ERBIN: variants seen among roughly 807,000 people sequenced by gnomAD.
The protein encoded by ERBIN is erbb2 interacting protein.
A neutral mutation model predicts 158.4 loss-of-function variants in ERBIN; 60 were observed. The observed-to-expected ratio is 0.38, with a 90% CI of 0.31 to 0.47. ERBIN has a LOEUF of 0.47. ERBIN is among the 20% of genes least tolerant of loss of function. The probability of loss-of-function intolerance (pLI) is 0.99; values close to 1 mark genes in which losing one functional copy is unlikely to be tolerated. For synonymous variants in ERBIN, 594 were observed against 557.2 expected (o/e 1.07, Z -0.93); for missense variants, 1,610 against 1,648.0 (o/e 0.98, Z 0.40).
chr5:66,070,561 C>A (rs1761436713), intron 21 of ERBIN, among the ~76,000 whole-genome samples: 1 of 151,964 alleles, frequency 6.6e-6, no homozygotes, highest in South Asian at 2.1e-4. Context: ...TTGAATTTTA[C>A]TTCTACATTC....
intron 25 of ERBIN, among the ~76,000 whole-genome samples, chr5:66,078,153 C>T (rs576702531): frequency 1.3e-5 from 2 of 152,228 alleles, no homozygotes; most frequent in Admixed American, 6.5e-5. Context: ...TAGCATTATA[C>T]GACACCATGT....
chr5:66,063,301 C>T (rs1760634916), intron 21 of ERBIN, among the ~76,000 whole-genome samples: 1 of 152,200 alleles, frequency 6.6e-6, no homozygotes, highest in Non-Finnish European at 1.5e-5. Flanking sequence ...GCTGTGCTAG[C>T]AATGAGCGAG....
intron 1 of ERBIN, among the ~76,000 whole-genome samples, chr5:65,967,393 GTTTT>G (rs374877007): frequency 6.7e-6 from 1 of 148,892 alleles, no homozygotes; most frequent in Non-Finnish European, 1.5e-5. Context: ...AGGTGTACTA[GTTTT>G]TTTTTTATCT....
intron 1 of ERBIN, among the ~76,000 whole-genome samples, chr5:65,929,637 CTT>C (rs762687200): frequency 6.9e-4 from 84 of 121,652 alleles, no homozygotes; most frequent in African/African-American, 2.7e-3. Context: ...GTCTTTTCCT[CTT>C]TTTTTTTTTT....
chr5:65,987,105 C>T (rs73762645), intron 1 of ERBIN, among the ~76,000 whole-genome samples: 6,174 of 152,044 alleles, frequency 0.041, 415 homozygotes, highest in African/African-American at 0.14. Flanking sequence ...CAGAATTAAC[C>T]GGCACTTCAC....
chr5:66,024,261 T>G, intron 9 of ERBIN, 45 bp from the exon 10 acceptor site: 1 of 1,280,808 alleles, frequency 7.8e-7, no homozygotes, highest in East Asian at 2.5e-5. Context: ...TTTTACAAAT[T>G]ACTAATGTTA....
intron 1 of ERBIN, among the ~76,000 whole-genome samples, chr5:65,962,071 G>A (rs777396217): frequency 6.6e-6 from 1 of 152,084 alleles, no homozygotes; most frequent in Non-Finnish European, 1.5e-5. Flanking sequence ...TGACTATGTC[G>A]CATTTTTTAA....
At chr5:66,067,986 G>T (rs759760641) in intron 21 of ERBIN, among the ~76,000 whole-genome samples, 5 of 151,956 alleles carry the variant, frequency 3.3e-5, no homozygotes, top group African/African-American at 1.2e-4. Context: ...ATAAATTCGC[G>T]TATGTTAAAA....
chr5:65,950,790 AT>A (rs80243692), intron 1 of ERBIN, among the ~76,000 whole-genome samples: 4,264 of 144,126 alleles, frequency 0.03, 164 homozygotes, highest in African/African-American at 0.093. Context: ...ATTCATATGT[AT>A]TTTTTTTTTT....
intron 4 of ERBIN, among the ~76,000 whole-genome samples, chr5:66,007,105 C>A (rs1404011012): frequency 6.6e-6 from 1 of 152,010 alleles, no homozygotes; most frequent in Non-Finnish European, 1.5e-5. Context: ...TTTATTGTGG[C>A]ACTCTTCACA....
intron 19 of ERBIN, among the ~76,000 whole-genome samples, chr5:66,049,525 C>G (rs1229261934): frequency 1.3e-5 from 2 of 151,934 alleles, no homozygotes; most frequent in Non-Finnish European, 2.9e-5. Context: ...CACAATAACC[C>G]CCATGATGAG....
At chr5:66,070,279 A>C (rs758553474) in intron 21 of ERBIN, among the ~76,000 whole-genome samples, 30 of 152,180 alleles carry the variant, frequency 2.0e-4, no homozygotes, top group Non-Finnish European at 3.4e-4. Flanking sequence ...CTGACCTCAG[A>C]TGATCTGCCC....
intron 24 of ERBIN, 125 bp downstream of exon 24, chr5:66,076,533 A>C: frequency 1.3e-6 from 1 of 753,354 alleles, no homozygotes; most frequent in South Asian, 1.6e-5. Flanking sequence ...TGGATTCCCC[A>C]CTCTATTGCT....
At chr5:65,946,668 G>A (rs1006982180) in intron 1 of ERBIN, among the ~76,000 whole-genome samples, 5 of 152,154 alleles carry the variant, frequency 3.3e-5, no homozygotes, top group African/African-American at 1.2e-4. Context: ...GATTGCTGCG[G>A]TGTATCGGAT....
intron 4 of ERBIN, among the ~76,000 whole-genome samples, chr5:66,006,899 G>A (rs1468156763): frequency 1.3e-5 from 2 of 151,022 alleles, no homozygotes; most frequent in African/African-American, 4.9e-5. Context: ...AACAGGTGCT[G>A]GAGAGGATGT....
intron 1 of ERBIN, among the ~76,000 whole-genome samples, chr5:65,957,105 A>C (rs183311806): frequency 1.3e-5 from 2 of 152,274 alleles, no homozygotes; most frequent in African/African-American, 4.8e-5. Context: ...TTGCTATTAT[A>C]ATTTAACCCT....
At chr5:65,938,946 G>T (rs933542262) in intron 1 of ERBIN, among the ~76,000 whole-genome samples, 1 of 152,058 alleles carries the variant, frequency 6.6e-6, no homozygotes, top group Admixed American at 6.5e-5. Flanking sequence ...CTTCAACCTT[G>T]TTGTTCCTGA....
intron 4 of ERBIN, among the ~76,000 whole-genome samples, chr5:65,999,648 G>A (rs1214814500): frequency 6.6e-6 from 1 of 152,102 alleles, no homozygotes; most frequent in Non-Finnish European, 1.5e-5. Flanking sequence ...TTTAAATCAG[G>A]AACAGTTTGC....
At chr5:66,078,295 G>A (rs962832087) in intron 25 of ERBIN, 128 bp from the exon 26 acceptor site, 6 of 648,012 alleles carry the variant, frequency 9.3e-6, no homozygotes, top group Non-Finnish European at 1.6e-5. Flanking sequence ...GGTAGGGCCT[G>A]TGAATCTGTA....
Sources: gnomAD v4.1 joint callset for allele counts (sites outside exome capture counted in the v4.1 genomes callset) on GRCh38, gnomAD v4.1.1 for gene constraint, MANE v1.5 for transcripts, NCBI Gene and HGNC (gene_info 2026-07-23, HGNC 2026-07-21) for gene names.